Variants in MYH11 observed in about 807,000 individuals in gnomAD.
The protein encoded by MYH11 is myosin heavy chain 11, also known as myosin-11.
A neutral mutation model predicts 246.6 loss-of-function variants in MYH11; 80 were observed. The observed-to-expected ratio is 0.32, with a 90% confidence interval of 0.27 to 0.39. MYH11 has a LOEUF of 0.39. Ranked by LOEUF, MYH11 falls within the 10% of genes least tolerant of loss-of-function variation. The pLI is 1.00. For missense variants in MYH11, 2,158 were observed against 2,546.8 expected, an observed-to-expected ratio of 0.85 and a Z score of 3.29; for synonymous variants, 1,071 against 1,015.5, an observed-to-expected ratio of 1.05 and a Z score of -1.04.
intron 40 of MYH11, chr16:15,713,601 T>C (rs147007062): frequency 0.028 from 4,243 of 152,344 alleles, 88 homozygotes; most frequent in Non-Finnish European, 0.044. Context: ...GCTCCACTGA[T>C]CGTCCCACCT....
At chr16:15,830,153 A>G (rs1176589310) in intron 2 of MYH11, among the ~76,000 whole-genome samples, 3 of 150,796 alleles carry the variant, frequency 2.0e-5, no homozygotes, top group Non-Finnish European at 4.4e-5. Flanking sequence ...AAAGACACAC[A>G]GGCCTGGGCA....
chr16:15,778,143 C>T lies in MYH11; in HGVS notation c.790+637G>A, dbSNP rs139104213. On this transcript the variant is annotated intron_variant, in intron 7 of 40. Coordinates refer to ENST00000300036, the MANE Select transcript of MYH11 (RefSeq NM_002474.3). The stretch of plus-strand genomic sequence containing the variant: ...AACTCTAGACCTGGTTGTTCCCCCA[C>T]GTCCAGAAATTTCTAACTTGGCTCC... 9.9e-3 allele frequency among the ~76,000 whole-genome samples: 1,510 copies of T among 152,274 alleles called. 14 individuals are homozygous for T. The highest frequency in any genetic ancestry group is 0.014 in the Non-Finnish European group (942 of 68,014).
intron 3 of MYH11, among the ~76,000 whole-genome samples, chr16:15,816,415 G>GA (rs372942424): frequency 0.013 from 2,024 of 150,900 alleles, 51 homozygotes; most frequent in African/African-American, 0.046. Flanking sequence ...CAAGATTGGG[G>GA]AAAAAAAAGG....
intron 40 of MYH11, 127 bp downstream of exon 40, chr16:15,714,782 G>T: frequency 8.3e-7 from 1 of 1,209,620 alleles, no homozygotes; most frequent in Non-Finnish European, 1.2e-6. Flanking sequence ...GGAGAAGCAG[G>T]AATAAACCAC....
chr16:15,831,986 G>T (rs2151375350), intron 2 of MYH11, among the ~76,000 whole-genome samples: 1 of 152,064 alleles, frequency 6.6e-6, no homozygotes, highest in Non-Finnish European at 1.5e-5. Flanking sequence ...TTGACAAAGG[G>T]CAGCTTCCAG....
At chr16:15,815,886 G>T (rs1034658550) in intron 3 of MYH11, among the ~76,000 whole-genome samples, 1 of 151,888 alleles carries the variant, frequency 6.6e-6, no homozygotes, top group African/African-American at 2.4e-5. Context: ...AATCAGATTG[G>T]GTTTCATCTT....
chr16:15,738,710 G>C (rs2041192330), intron 23 of MYH11, 22 bp from the exon 24 acceptor site: 1 of 1,612,466 alleles, frequency 6.2e-7, no homozygotes, highest in African/African-American at 1.3e-5. Flanking sequence ...AAGAGAAAGA[G>C]ATAGCTTTAG....
intron 4 of MYH11, among the ~76,000 whole-genome samples, chr16:15,795,419 C>G (rs1044278887): frequency 6.6e-6 from 1 of 152,082 alleles, no homozygotes; most frequent in Non-Finnish European, 1.5e-5. Context: ...CGAGACCAGC[C>G]TGACCAACAT....
At chr16:15,829,012 C>T (rs559375498) in intron 2 of MYH11, among the ~76,000 whole-genome samples, 18 of 151,908 alleles carry the variant, frequency 1.2e-4, no homozygotes, top group South Asian at 1.0e-3. Context: ...GGCAAAACCC[C>T]GTCTTTACTA....
At position 15,725,148 on chromosome 16, in the gene MYH11, A is replaced by AAC. The variant is rs34909724; in HGVS notation, c.3859-158_3859-157dup. 2.1e-4 allele frequency: 129 copies of AAC among 608,134 alleles called. 1 individual carries two copies. The highest frequency in any genetic ancestry group is 1.7e-3 in the Middle Eastern group (4 of 2,372). 37.7% of individuals were successfully genotyped at this position (608,134 alleles called of 1,614,324 possible). A position where few individuals can be genotyped will look rare whatever the true frequency, so the allele number is the denominator to read the frequency against. On this transcript the variant is annotated intron_variant, in intron 28 of 40. Transcript: ENST00000300036. ...TGGGACTCTGATAAAAAAAAAAAAA[A>AAC]ACACACACACACACAAAAAAAACAG...
intron 22 of MYH11, among the ~76,000 whole-genome samples, chr16:15,740,703 G>GCC (rs551780758): frequency 1.2e-4 from 18 of 152,100 alleles, no homozygotes; most frequent in African/African-American, 4.3e-4. Flanking sequence ...TAGGTACCAT[G>GCC]GTGGTTTTAA....
At chr16:15,714,281 C>T (rs780404111) in intron 40 of MYH11, 4 of 155,680 alleles carry the variant, frequency 2.6e-5, no homozygotes, top group East Asian at 1.9e-4. Flanking sequence ...GAATTCTCAG[C>T]GGGGTGGCAG....
At chr16:15,744,754 C>T (rs570581947) in intron 20 of MYH11, among the ~76,000 whole-genome samples, 10 of 152,318 alleles carry the variant, frequency 6.6e-5, no homozygotes, top group African/African-American at 2.2e-4. Context: ...CCGCCTGCCT[C>T]GGCCTCCCAA....
Position 15,720,319 on chromosome 16 carries a change from G to A in MYH11, c.4792-7C>T, listed in dbSNP as rs375652279. ...CCGTCTCATACTCGTGAAGCTGGGC[G>A]AGGAATAGAGATGTGTGCTGCCCCA... On this transcript the variant is annotated splice_polypyrimidine_tract_variant and splice_region_variant and intron_variant, in intron 33 of 40. Transcript: ENST00000300036. 2.4e-5 allele frequency: 39 copies of A among 1,612,780 alleles called. No individual in the cohort carries two copies. Among genetic ancestry groups the A allele is most frequent in the Middle Eastern group, 1.6e-4 (1 of 6,078 alleles).
intron 40 of MYH11, among the ~76,000 whole-genome samples, chr16:15,705,100 A>G (rs1163932191): frequency 1.3e-5 from 2 of 152,098 alleles, no homozygotes; most frequent in African/African-American, 4.8e-5. Flanking sequence ...GAGCCTCAGT[A>G]TTGAGTAGCT....
intron 4 of MYH11, among the ~76,000 whole-genome samples, chr16:15,794,182 G>A (rs1352676576): frequency 4.0e-5 from 6 of 151,592 alleles, no homozygotes; most frequent in Admixed American, 3.3e-4. Context: ...TCCTGACCTC[G>A]TGATCCGCCC....
chr16:15,731,587 G>C (rs1567709145), intron 27 of MYH11, among the ~76,000 whole-genome samples: 1 of 151,856 alleles, frequency 6.6e-6, no homozygotes, highest in Non-Finnish European at 1.5e-5. Flanking sequence ...TTCCTCCTGG[G>C]TCCAAGTGAT....
At chr16:15,838,988 T>C (rs542201343) in intron 1 of MYH11, among the ~76,000 whole-genome samples, 1 of 151,844 alleles carries the variant, frequency 6.6e-6, no homozygotes, top group Non-Finnish European at 1.5e-5. Flanking sequence ...TTACCCAGAT[T>C]CCTTGAGCCC....
intron 3 of MYH11, among the ~76,000 whole-genome samples, chr16:15,807,810 G>A (rs768816582): frequency 1.3e-5 from 2 of 152,188 alleles, no homozygotes; most frequent in Non-Finnish European, 2.9e-5. Flanking sequence ...AGAAGATAAA[G>A]GGCTTCAGCG....
Sources: allele counts gnomAD v4.1 joint callset (sites outside exome capture counted in the v4.1 genomes callset), GRCh38; gene constraint gnomAD v4.1.1; transcripts MANE v1.5; gene names NCBI Gene and HGNC (gene_info 2026-07-23, HGNC 2026-07-21).